Variants in MOSPD2 observed in about 807,000 individuals in gnomAD.
MOSPD2 encodes the protein motile sperm domain containing 2.
A neutral mutation model predicts 41.7 loss-of-function variants in MOSPD2; 5 were observed. That is an observed-to-expected ratio of 0.12 (90% CI 0.06 to 0.25). MOSPD2 has a LOEUF of 0.25. Ranked by LOEUF, MOSPD2 falls within the 10% of genes least tolerant of loss-of-function variation. The pLI, the probability that MOSPD2 is intolerant of heterozygous loss-of-function variation, is 1.00. For missense variants in MOSPD2, 282 were observed against 375.2 expected (o/e 0.75, Z 2.05); for synonymous variants, 115 against 126.9 (o/e 0.91, Z 0.63).
chrX:14,913,546 T>A (rs2092595324), intron 10 of MOSPD2, among the ~76,000 whole-genome samples: 1 of 111,815 alleles, frequency 8.9e-6, no homozygotes, highest in Admixed American at 9.5e-5. Context: ...TTACTTAAGA[T>A]TAGGCTCTAG....
intron 10 of MOSPD2, among the ~76,000 whole-genome samples, 189 bp from the exon 11 acceptor site, chrX:14,914,314 G>C (rs2092596599): frequency 8.9e-6 from 1 of 111,901 alleles, no homozygotes; most frequent in African/African-American, 3.2e-5. Context: ...TTTTTAAATA[G>C]TGTGCATTGA....
rs2092608123 is a variant in MOSPD2 at position 14,920,719 on chromosome X, T to C, written c.*910T>C. On this transcript the variant is annotated 3_prime_UTR_variant, in exon 15 of 15. Transcript: ENST00000380492. The stretch of plus-strand genomic sequence containing the variant: ...ATGAATTGCACTGTCTCCCTCCTCA[T>C]TTCTAAATGAAAGGTATTAGATATA... 1 of 751,614 alleles carries C rather than the reference T, an allele frequency of 1.3e-6. No homozygotes were observed. Among genetic ancestry groups the C allele is most frequent in the Non-Finnish European group, 1.6e-6 (1 of 638,524 alleles). 61.9% of individuals were successfully genotyped at this position (751,614 alleles called of 1,213,427 possible). A position where few individuals can be genotyped will look rare whatever the true frequency, so the allele number is the denominator to read the frequency against.
intron 9 of MOSPD2, 34 bp downstream of exon 9, chrX:14,911,447 A>G: frequency 9.5e-7 from 1 of 1,057,929 alleles, no homozygotes; most frequent in Non-Finnish European, 1.3e-6. Flanking sequence ...CTGAATCACA[A>G]GATGTGGTCT....
intron 14 of MOSPD2, 61 bp from the exon 15 acceptor site, chrX:14,919,611 A>G: frequency 2.3e-6 from 2 of 880,678 alleles, no homozygotes; most frequent in Non-Finnish European, 3.3e-6. Context: ...CCTGTTTGTC[A>G]TGCCCATGAT....
chrX:14,884,110 T>C (rs1209582563), intron 2 of MOSPD2, among the ~76,000 whole-genome samples: 4 of 111,315 alleles, frequency 3.6e-5, no homozygotes, highest in African/African-American at 1.3e-4. Flanking sequence ...ACTGCTCACT[T>C]AGAACATTTA....
intron 2 of MOSPD2, among the ~76,000 whole-genome samples, chrX:14,880,307 A>G (rs1295411509): frequency 9.0e-6 from 1 of 111,125 alleles, no homozygotes; most frequent in Non-Finnish European, 1.9e-5. Flanking sequence ...TTTCTAAATG[A>G]TGGTTGCTGG....
chrX:14,897,006 C>G, intron 4 of MOSPD2, 78 bp from the exon 5 acceptor site: 1 of 756,884 alleles, frequency 1.3e-6, no homozygotes, highest in East Asian at 3.8e-5. Context: ...TGAAAAATGT[C>G]AAGGGAAAGG....
In MOSPD2 at chrX:14,873,672, TC is replaced by T; in HGVS notation, c.10-16del. ...GATGCAAGTAGTATCTAAGGTCCCA[TC>T]GTGTCTCCCATCCAGAATCACGCCC... On this transcript the variant is annotated splice_polypyrimidine_tract_variant and intron_variant, in intron 1 of 14. Coordinates refer to ENST00000380492, the MANE Select transcript of MOSPD2 (RefSeq NM_152581.4). 1 of 1,208,573 alleles carries T rather than the reference TC, an allele frequency of 8.3e-7. No homozygotes were observed. Among genetic ancestry groups the T allele is most frequent in the Non-Finnish European group, 1.1e-6 (1 of 892,591 alleles).
Position 14,918,032 on chromosome X carries a change from C to G in MOSPD2, c.1317-648C>G, listed in dbSNP as rs918995048. Among the ~76,000 whole-genome samples the G allele has an allele frequency of 2.7e-5, 3 of 111,495 alleles. No individual in the cohort carries two copies. The Admixed American group carries it at 2.9e-4, about 11-fold the overall frequency. On this transcript the variant is annotated intron_variant, in intron 13 of 14. Coordinates refer to ENST00000380492, the MANE Select transcript of MOSPD2 (RefSeq NM_152581.4). The stretch of plus-strand genomic sequence containing the variant: ...TTTTTACGTGTAATATTTAAATTTT[C>G]AAATTGTATTACAGGAGGGCCTACT...
chrX:14,885,784 G>A (rs780963901), intron 2 of MOSPD2, among the ~76,000 whole-genome samples: 47 of 110,444 alleles, frequency 4.3e-4, no homozygotes, highest in Non-Finnish European at 7.8e-4. Context: ...AAACTGAAGC[G>A]AATAACTTAA....
At position 14,921,348 on chromosome X, in the gene MOSPD2, A is replaced by G; in HGVS notation, c.*1539A>G. On this transcript the variant is annotated 3_prime_UTR_variant, in exon 15 of 15. Coordinates refer to ENST00000380492, the MANE Select transcript of MOSPD2 (RefSeq NM_152581.4). The stretch of plus-strand genomic sequence containing the variant: ...AACCTTAAAAGGACACTGGTGTGCT[A>G]CTTTGTCTTAATTTGGGCTTTTCTG... 1.1e-6 allele frequency: 1 copy of G among 936,786 alleles called. No homozygotes were observed. The highest frequency in any genetic ancestry group is 1.3e-6 in the Non-Finnish European group (1 of 755,322). 77.2% of individuals were successfully genotyped at this position (936,786 alleles called of 1,213,427 possible).
chrX:14,882,552 A>C (rs2092533349), intron 2 of MOSPD2, among the ~76,000 whole-genome samples: 1 of 111,762 alleles, frequency 8.9e-6, no homozygotes, highest in Admixed American at 9.5e-5. Context: ...AGTTAGCTTG[A>C]TTTTGCTATT....
Position 14,897,071 on chromosome X carries a change from C to T in MOSPD2, c.323-13C>T, listed in dbSNP as rs767744988. The T allele has an allele frequency of 1.7e-6, 2 of 1,153,999 alleles. No homozygotes were observed. Among genetic ancestry groups the T allele is most frequent in the East Asian group, 3.0e-5 (1 of 33,298 alleles). On this transcript the variant is annotated splice_polypyrimidine_tract_variant and intron_variant, in intron 4 of 14. Transcript: ENST00000380492. ...CCATAAGTCTTGTTCTTATTTTTAT[C>T]TTCTGCTTAAAGTCTGGATCAGGGT...
chrX:14,919,544 C>G, intron 14 of MOSPD2, 128 bp from the exon 15 acceptor site: 1 of 503,241 alleles, frequency 2.0e-6, no homozygotes, highest in Non-Finnish European at 3.4e-6. Context: ...CCACCTCCTT[C>G]CACCAGCCTT....
intron 10 of MOSPD2, 40 bp from the exon 11 acceptor site, chrX:14,914,463 C>A: frequency 1.2e-6 from 1 of 833,288 alleles, no homozygotes; most frequent in African/African-American, 2.1e-5. Context: ...GTCATTTATT[C>A]TGATTATTAC....
intron 7 of MOSPD2, among the ~76,000 whole-genome samples, chrX:14,905,493 T>C (rs952870255): frequency 9.2e-6 from 1 of 108,157 alleles, no homozygotes; most frequent in African/African-American, 3.4e-5. Context: ...CCTGTATACC[T>C]TTTTTTTTGT....
chrX:14,909,680 C>A (rs2092588210), intron 8 of MOSPD2, among the ~76,000 whole-genome samples: 1 of 111,640 alleles, frequency 9.0e-6, no homozygotes, highest in South Asian at 3.7e-4. Flanking sequence ...GGGTTAACTT[C>A]ATAATGTTTC....
At chrX:14,912,781 C>T (rs1171000761) in intron 10 of MOSPD2, among the ~76,000 whole-genome samples, 1 of 111,904 alleles carries the variant, frequency 8.9e-6, no homozygotes, top group Non-Finnish European at 1.9e-5. Context: ...AACTTCAGGA[C>T]ATCTCTATTT....
chrX:14,909,018 T>A (rs368372342), intron 8 of MOSPD2, 34 bp downstream of exon 8: 1 of 1,085,852 alleles, frequency 9.2e-7, no homozygotes, highest in South Asian at 2.4e-5. Flanking sequence ...AAAACAATAC[T>A]GGATAATGGC....
Sources: gnomAD v4.1 joint callset for allele counts (sites outside exome capture counted in the v4.1 genomes callset) on GRCh38, gnomAD v4.1.1 for gene constraint, MANE v1.5 for transcripts, NCBI Gene and HGNC (gene_info 2026-07-23, HGNC 2026-07-21) for gene names.